ROR2: variants seen among roughly 807,000 people sequenced by gnomAD.
ROR2 encodes ROR family WNT receptor 2, also known as tyrosine-protein kinase transmembrane receptor ROR2.
In ROR2, 33 loss-of-function variants were observed where a neutral mutation model predicts 74.9. That is an observed-to-expected ratio of 0.44 (90% CI 0.33 to 0.59). The LOEUF (loss-of-function observed/expected upper bound fraction) is 0.59, where lower values mean the gene tolerates loss of function less well. Ranked by LOEUF, ROR2 falls within the 20% of genes least tolerant of loss-of-function variation. The pLI, the probability that ROR2 is intolerant of heterozygous loss-of-function variation, is 0.02. For missense variants in ROR2, 1,216 were observed against 1,313.8 expected (o/e 0.93, Z 1.15); for synonymous variants, 586 against 558.7 (o/e 1.05, Z -0.69).
intron 1 of ROR2, among the ~76,000 whole-genome samples, chr9:91,927,562 CTTTTTTTT>C (rs775823582): frequency 1.1e-5 from 1 of 94,944 alleles, no homozygotes; most frequent in African/African-American, 4.4e-5. Flanking sequence ...TTTCTAGATT[CTTTTTTTT>C]TTTTTTTTTT....
intron 1 of ROR2, among the ~76,000 whole-genome samples, chr9:91,853,050 C>T (rs1371561960): frequency 1.3e-5 from 2 of 152,176 alleles, no homozygotes; most frequent in African/African-American, 2.4e-5. Flanking sequence ...CACCATGGAG[C>T]GTGGAGGACC....
At chr9:91,945,678 C>G (rs1831995684) in intron 1 of ROR2, among the ~76,000 whole-genome samples, 1 of 152,186 alleles carries the variant, frequency 6.6e-6, no homozygotes. Context: ...AAAACACCCA[C>G]AGAAATCCCA....
chr9:91,786,181 G>T (rs1384941455), intron 1 of ROR2, among the ~76,000 whole-genome samples: 1 of 44,608 alleles, frequency 2.2e-5, no homozygotes, highest in African/African-American at 5.1e-5. Context: ...AAAAAAAAAA[G>T]CCAGGTATGG....
At chr9:91,882,947 G>A (rs912268719) in intron 1 of ROR2, among the ~76,000 whole-genome samples, 2 of 152,194 alleles carry the variant, frequency 1.3e-5, no homozygotes, top group Non-Finnish European at 2.9e-5. Flanking sequence ...CTTCGTTATG[G>A]CAGTCCCAGA....
At chr9:91,906,003 CT>C (rs1830804723) in intron 1 of ROR2, among the ~76,000 whole-genome samples, 1 of 112,112 alleles carries the variant, frequency 8.9e-6, no homozygotes, top group South Asian at 2.5e-4. Context: ...AAAGAGAATT[CT>C]TTGAAAAAAA....
chr9:91,927,593 T>C (rs1489055434), intron 1 of ROR2, among the ~76,000 whole-genome samples: 1 of 137,638 alleles, frequency 7.3e-6, no homozygotes, highest in Non-Finnish European at 1.5e-5. Context: ...TGAGACGGAG[T>C]CTCTCTGTCA....
chr9:91,788,230 A>G (rs1318725241), intron 1 of ROR2, among the ~76,000 whole-genome samples: 5 of 152,184 alleles, frequency 3.3e-5, no homozygotes, highest in Non-Finnish European at 7.4e-5. Flanking sequence ...GGCACTATCA[A>G]GAATACCAAC....
chr9:91,928,285 C>T (rs74328651), intron 1 of ROR2, among the ~76,000 whole-genome samples: 2,489 of 152,272 alleles, frequency 0.016, 64 homozygotes, highest in African/African-American at 0.057. Flanking sequence ...TTCCCAATCC[C>T]CTCACTGCCC....
At chr9:91,946,980 G>T (rs1162613803) in intron 1 of ROR2, among the ~76,000 whole-genome samples, 1 of 152,106 alleles carries the variant, frequency 6.6e-6, no homozygotes, top group African/African-American at 2.4e-5. Flanking sequence ...GTTAAATCCA[G>T]GCTAACTGTT....
rs879432849 is a variant in ROR2, at chr9:91,905,825, CTTT to C, written c.97+44039_97+44041del. 2.4e-4 allele frequency among the ~76,000 whole-genome samples: 36 copies of C among 147,310 alleles called. No homozygotes were observed. Among genetic ancestry groups the C allele is most frequent in the African/African-American group, 8.7e-4 (35 of 40,394 alleles). On this transcript the variant is annotated intron_variant, in intron 1 of 8. Transcript: ENST00000375708. The surrounding 1 kb of genome is among the most constrained non-coding windows in gnomAD (Gnocchi z 5.3). ...AGAACTAAGAGAGGGAGCCAATCAA[CTTT>C]TTTTTTTTAAGAGCTAAGAGCAGAG...
intron 2 of ROR2, among the ~76,000 whole-genome samples, chr9:91,767,763 T>G (rs1243264122): frequency 1.3e-5 from 2 of 152,180 alleles, no homozygotes; most frequent in Non-Finnish European, 1.5e-5. Context: ...GGGAGTCAGA[T>G]AAAACGGGGA....
chr9:91,873,801 C>G (rs904462809), intron 1 of ROR2, among the ~76,000 whole-genome samples: 1 of 152,134 alleles, frequency 6.6e-6, no homozygotes, highest in Non-Finnish European at 1.5e-5. Context: ...TCTCAGAGTC[C>G]GAAGCCGTGT....
rs1232142986 is a variant in ROR2 at position 91,909,842 on chromosome 9, G to GTTTTTTTTTTTTTTTTTTTTTTTTTTT, written c.97+40024_97+40025insAAAAAAAAAAAAAAAAAAAAAAAAAAA. Reference sequence around the variant, plus strand: ...TTTATTCTTTTTTTTTTTTAGGTTTGTTTTGTTTTTTTTTTTTTTTTTTTT... The same window carrying GTTTTTTTTTTTTTTTTTTTTTTTTTTT: ...TTTATTCTTTTTTTTTTTTAGGTTTGTTTTTTTTTTTTTTTTTTTTTTTTTTTTTTTGTTTTTTTTTTTTTTTTTTTT... On this transcript the variant is annotated intron_variant, in intron 1 of 8. Transcript: ENST00000375708. Among the ~76,000 whole-genome samples, 4 of 55,976 alleles carry GTTTTTTTTTTTTTTTTTTTTTTTTTTT rather than the reference G, an allele frequency of 7.1e-5. 2 individuals are homozygous for GTTTTTTTTTTTTTTTTTTTTTTTTTTT. Among genetic ancestry groups the GTTTTTTTTTTTTTTTTTTTTTTTTTTT allele is most frequent in the African/African-American group, 1.5e-4 (2 of 13,376 alleles). 36.7% of individuals were successfully genotyped at this position (55,976 alleles called of 152,430 possible).
chr9:91,837,986 G>A (rs1264741364), intron 1 of ROR2, among the ~76,000 whole-genome samples: 3 of 152,114 alleles, frequency 2.0e-5, no homozygotes, highest in Non-Finnish European at 4.4e-5. Flanking sequence ...AGGAAAAACA[G>A]AAATTACCCA....
chr9:91,800,988 C>G (rs765351467), intron 1 of ROR2, among the ~76,000 whole-genome samples: 4 of 152,142 alleles, frequency 2.6e-5, no homozygotes, highest in Non-Finnish European at 5.9e-5. Flanking sequence ...GATATGAGAC[C>G]AATGCAGCCA....
chr9:91,787,371 A>C (rs1826837099), intron 1 of ROR2, among the ~76,000 whole-genome samples: 1 of 152,010 alleles, frequency 6.6e-6, no homozygotes. Flanking sequence ...ATTAGCCATG[A>C]GTGGTGGTGG....
chr9:91,726,765 T>C (rs1176037744), intron 7 of ROR2, 22 bp from the exon 8 acceptor site: 1 of 1,612,556 alleles, frequency 6.2e-7, no homozygotes, highest in South Asian at 1.1e-5. Context: ...AAGGCTTTCG[T>C]GATTTTTCAG....
At chr9:91,732,598 T>G (rs972988183) in intron 6 of ROR2, among the ~76,000 whole-genome samples, 1 of 152,228 alleles carries the variant, frequency 6.6e-6, no homozygotes, top group African/African-American at 2.4e-5. Context: ...AGGCCAGTCC[T>G]GCAGCATCTC....
chr9:91,813,443 C>T (rs1236163724), intron 1 of ROR2, among the ~76,000 whole-genome samples: 1 of 152,152 alleles, frequency 6.6e-6, no homozygotes, highest in African/African-American at 2.4e-5. Context: ...GCGTCTGGGT[C>T]AGGATGGGTT....
Sources: gnomAD v4.1 joint callset for allele counts (sites outside exome capture counted in the v4.1 genomes callset) on GRCh38, gnomAD v4.1.1 for gene constraint, Gnocchi (gnomAD v3.1) non-coding constraint, MANE v1.5 for transcripts, NCBI Gene and HGNC (gene_info 2026-07-23, HGNC 2026-07-21) for gene names.